The following INTS15 variants were observed in gnomAD, a reference collection of about 807,000 sequenced individuals.
The protein encoded by INTS15 is uncharacterized protein C7orf26.
chr7:6,607,258 C>T, the INTS15 span, among the ~76,000 whole-genome samples: 1 of 152,022 alleles, frequency 6.6e-6, no homozygotes, highest in Non-Finnish European at 1.5e-5. This position sits in a 1 kb window ranked among gnomAD's most constrained non-coding sequence, Gnocchi z 6.0. Flanking sequence ...GAAGTGCGGG[C>T]CGTGGTTGTG....
the INTS15 span, chr7:6,590,114 A>T: frequency 2.2e-6 from 1 of 453,918 alleles, no homozygotes; most frequent in Non-Finnish European, 3.5e-6. Flanking sequence ...CGGCGGCAGC[A>T]GCGATGGCCC....
At chr7:6,604,175 C>G in the INTS15 span, among the ~76,000 whole-genome samples, 1 of 152,162 alleles carries the variant, frequency 6.6e-6, no homozygotes, top group Non-Finnish European at 1.5e-5. Context: ...GTCCTGGGCT[C>G]AAGCCATCCT....
chr7:6,607,881 G>A, the INTS15 span: 21 of 1,568,854 alleles, frequency 1.3e-5, no homozygotes, highest in Non-Finnish European at 1.6e-5. This position sits in a 1 kb window ranked among gnomAD's most constrained non-coding sequence, Gnocchi z 6.0. Context: ...GGGGTGCGGG[G>A]GGACGGGGTC....
chr7:6,603,462 A>G, the INTS15 span, among the ~76,000 whole-genome samples: 1 of 150,042 alleles, frequency 6.7e-6, no homozygotes, highest in Non-Finnish European at 1.5e-5. Flanking sequence ...CTGGAGAACC[A>G]CTTGAACCTA....
At chr7:6,592,730 C>T in the INTS15 span, among the ~76,000 whole-genome samples, 85 of 151,486 alleles carry the variant, frequency 5.6e-4, 2 homozygotes, top group South Asian at 2.1e-3. Flanking sequence ...TACCTCAGCC[C>T]TCCAAGTAGC....
At chr7:6,590,805 T>C in the INTS15 span, among the ~76,000 whole-genome samples, 4 of 152,030 alleles carry the variant, frequency 2.6e-5, no homozygotes, top group African/African-American at 9.7e-5. Context: ...CTGTATGGCT[T>C]TCTTCTTACA....
the INTS15 span, chr7:6,602,557 G>A: frequency 4.8e-6 from 2 of 412,424 alleles, no homozygotes; most frequent in Non-Finnish European, 1.0e-5. Flanking sequence ...TTCTGGGCGC[G>A]GCCCTGTCTG....
chr7:6,608,080 C>CCCCCCCCCCCCCCCCCCG, the INTS15 span: 26 of 1,566,306 alleles, frequency 1.7e-5, no homozygotes, highest in Non-Finnish European at 2.1e-5. Flanking sequence ...CGGCCCACCC[C>CCCCCCCCCCCCCCCCCCG]GCCGCCCACC....
chr7:6,590,054 C>G, the INTS15 span: 1 of 263,356 alleles, frequency 3.8e-6, no homozygotes, highest in Non-Finnish European at 7.0e-6. Context: ...GGCGGCAGCT[C>G]CCGGCGGCTC....
At chr7:6,590,222 GCA>G in the INTS15 span, 1 of 1,354,104 alleles carries the variant, frequency 7.4e-7, no homozygotes, top group Non-Finnish European at 9.6e-7. Flanking sequence ...GGGTAGCGGC[GCA>G]GTCCCGGGCC....
chr7:6,602,745 G>A, the INTS15 span: 1 of 471,172 alleles, frequency 2.1e-6, no homozygotes, highest in Non-Finnish European at 4.4e-6. Flanking sequence ...CACAAACGCA[G>A]TCATCAGGTG....
the INTS15 span, among the ~76,000 whole-genome samples, chr7:6,598,456 G>A: frequency 6.8e-5 from 9 of 132,826 alleles, no homozygotes; most frequent in Admixed American, 8.0e-5. Flanking sequence ...ACAACAGAGT[G>A]GGACTCCATC....
At chr7:6,597,962 T>C in the INTS15 span, among the ~76,000 whole-genome samples, 1 of 152,204 alleles carries the variant, frequency 6.6e-6, no homozygotes, top group Non-Finnish European at 1.5e-5. Context: ...CGTGGGACTC[T>C]AGAGACCCTA....
chr7:6,593,156 T>C, the INTS15 span, among the ~76,000 whole-genome samples: 2 of 152,178 alleles, frequency 1.3e-5, no homozygotes, highest in South Asian at 4.1e-4. Flanking sequence ...GAGGGCGAGA[T>C]AGTGAACTGT....
the INTS15 span, chr7:6,600,036 C>T: frequency 1.2e-6 from 2 of 1,614,188 alleles, no homozygotes; most frequent in Non-Finnish European, 1.7e-6. Flanking sequence ...CCCCCCTTAT[C>T]CAATGGCCAT....
At chr7:6,603,593 C>T in the INTS15 span, among the ~76,000 whole-genome samples, 1 of 151,900 alleles carries the variant, frequency 6.6e-6, no homozygotes, top group Admixed American at 6.6e-5. Flanking sequence ...AATCCCAGCA[C>T]TTCGGGAGGC....
At chr7:6,606,416 C>CG in the INTS15 span, among the ~76,000 whole-genome samples, 2 of 152,058 alleles carry the variant, frequency 1.3e-5, no homozygotes, top group Non-Finnish European at 2.9e-5. Context: ...GCTGGGAAAA[C>CG]GGGTTGTTGT....
chr7:6,598,560 C>A, the INTS15 span, among the ~76,000 whole-genome samples: 1 of 151,786 alleles, frequency 6.6e-6, no homozygotes, highest in Non-Finnish European at 1.5e-5. Context: ...GGTTCATACT[C>A]CAACAGTTGG....
At chr7:6,606,355 C>A in the INTS15 span, among the ~76,000 whole-genome samples, 1 of 151,386 alleles carries the variant, frequency 6.6e-6, no homozygotes, top group East Asian at 1.9e-4. Flanking sequence ...TGTGACAGAC[C>A]AGCCCCTTGA....
Sources: allele counts gnomAD v4.1 joint callset (sites outside exome capture counted in the v4.1 genomes callset), GRCh38; gene constraint gnomAD v4.1.1; non-coding constraint Gnocchi (gnomAD v3.1); transcripts MANE v1.5; gene names NCBI Gene and HGNC (gene_info 2026-07-23, HGNC 2026-07-21).